The following RYR3 variants were observed in gnomAD, a reference collection of about 807,000 sequenced individuals.
The protein encoded by RYR3 is ryanodine receptor 3.
A neutral mutation model predicts 584.3 loss-of-function variants in RYR3; 207 were observed. That is an observed-to-expected ratio of 0.35 (90% confidence interval 0.32 to 0.40). RYR3 has a LOEUF of 0.40. Ranked by LOEUF, RYR3 falls within the 10% of genes least tolerant of loss-of-function variation. RYR3 has a pLI of 1.00. For synonymous variants in RYR3, 2,416 were observed against 2,248.5 expected (o/e 1.07, Z -2.11); for missense variants, 5,616 against 6,089.2 (o/e 0.92, Z 2.59).
intron 45 of RYR3, among the ~76,000 whole-genome samples, chr15:33,725,575 G>C (rs1036777374): frequency 1.1e-4 from 16 of 152,228 alleles, no homozygotes; most frequent in African/African-American, 3.4e-4. Context: ...AGTTCTCTCT[G>C]ACATTCTCTA....
At chr15:33,532,780 GTCA>G (rs533437670) in intron 4 of RYR3, among the ~76,000 whole-genome samples, 94 of 152,212 alleles carry the variant, frequency 6.2e-4, no homozygotes, top group Middle Eastern at 3.4e-3. Flanking sequence ...TAACTACTGA[GTCA>G]TCAGATAAGA....
intron 94 of RYR3, chr15:33,850,463 A>G (rs2079024992): frequency 6.7e-6 from 1 of 150,332 alleles, no homozygotes; most frequent in South Asian, 2.1e-4. Context: ...ATGTCCTAAC[A>G]AAGGTATTTC....
intron 10 of RYR3, among the ~76,000 whole-genome samples, chr15:33,562,320 G>A (rs1254195248): frequency 1.3e-5 from 2 of 152,166 alleles, no homozygotes; most frequent in African/African-American, 4.8e-5. Flanking sequence ...CTTAAGCCAC[G>A]GTATTAACCC....
chr15:33,581,266 A>G (rs1339058096), intron 13 of RYR3, among the ~76,000 whole-genome samples: 4 of 152,144 alleles, frequency 2.6e-5, no homozygotes, highest in African/African-American at 9.7e-5. Flanking sequence ...CGTGGGGGCA[A>G]CCCGTCAGAG....
rs551644901 is a variant in RYR3, at chr15:33,699,871, G to A, written c.6379+38G>A. 40 of 1,598,378 alleles carry A rather than the reference G, an allele frequency of 2.5e-5. No individual in the cohort carries two copies. In the South Asian group the frequency reaches 3.7e-4, roughly 15 times the overall value. On this transcript the variant is annotated intron_variant, in intron 41 of 103. Transcript: ENST00000634891. ...TCTTGTAACTTCCACATCCAAACTC[G>A]AAGGTTACACTCCCCCTTTTGACCA... is the stretch of plus-strand genomic sequence containing the variant.
chr15:33,515,922 C>T (rs375990324), intron 3 of RYR3, among the ~76,000 whole-genome samples: 5 of 152,168 alleles, frequency 3.3e-5, no homozygotes, highest in African/African-American at 9.7e-5. Context: ...GATACCACTT[C>T]GCACTTCCTC....
intron 64 of RYR3, among the ~76,000 whole-genome samples, chr15:33,774,232 G>C (rs2073835833): frequency 6.6e-6 from 1 of 152,288 alleles, no homozygotes; most frequent in Non-Finnish European, 1.5e-5. Context: ...CAAATGCCTT[G>C]TGTTCTGTTG....
At chr15:33,403,271 T>C (rs2042804094) in intron 1 of RYR3, among the ~76,000 whole-genome samples, 1 of 152,252 alleles carries the variant, frequency 6.6e-6, no homozygotes, top group South Asian at 2.1e-4. Context: ...GATACTCTTA[T>C]TCTTTTTAAA....
intron 4 of RYR3, among the ~76,000 whole-genome samples, chr15:33,531,768 A>C (rs1234543251): frequency 6.6e-6 from 1 of 152,066 alleles, no homozygotes; most frequent in Admixed American, 6.6e-5. Flanking sequence ...TCCAAGTAGG[A>C]GATGGAGATG....
At chr15:33,852,409 G>C (rs2079198266) in intron 94 of RYR3, 1 of 152,158 alleles carries the variant, frequency 6.6e-6, no homozygotes, top group African/African-American at 2.4e-5. Context: ...TCATCTCTCT[G>C]GGGATGCTAG....
chr15:33,435,718 G>T (rs996090186), intron 1 of RYR3, among the ~76,000 whole-genome samples: 2 of 152,162 alleles, frequency 1.3e-5, no homozygotes, highest in Non-Finnish European at 2.9e-5. Flanking sequence ...CCTCCCGGTA[G>T]GTTCCTGGTC....
At chr15:33,653,030 A>T (rs1218521661) in intron 32 of RYR3, 147 bp downstream of exon 32, 1 of 692,796 alleles carries the variant, frequency 1.4e-6, no homozygotes, top group Non-Finnish European at 2.3e-6. Context: ...GACAACAAAT[A>T]AACAACAACA....
chr15:33,351,190 C>G (rs143840729), intron 1 of RYR3, among the ~76,000 whole-genome samples: 10,281 of 152,232 alleles, frequency 0.068, 521 homozygotes, highest in African/African-American at 0.14. Flanking sequence ...GACACATACA[C>G]TCTCCCAAGA....
Position 33,837,763 on chromosome 15 carries a change from T to C in RYR3, c.11783T>C (p.Phe3928Ser). 6.2e-7 allele frequency: 1 copy of C among 1,613,822 alleles called. No homozygotes were observed. The highest frequency in any genetic ancestry group is 8.5e-7 in the Non-Finnish European group (1 of 1,179,826). The part of the protein sequence containing the change: ...KLKDLTSSDT[F>S]KEYDPDGKGI... ...AAAGACTTAACCAGCTCAGACACCT[T>C]CAAAGAATATGACCCAGATGGTAAA... is the stretch of plus-strand genomic sequence containing the variant. Residue 3928 changes from phenylalanine to serine, a missense_variant, in exon 89 of 104, where the codon TTC (phenylalanine) becomes TCC (serine). Physicochemically the swap from Phe to Ser is radical, Grantham distance 155. Transcript: ENST00000634891.
At chr15:33,414,827 C>A (rs2043678642) in intron 1 of RYR3, among the ~76,000 whole-genome samples, 1 of 152,132 alleles carries the variant, frequency 6.6e-6, no homozygotes, top group South Asian at 2.1e-4. Context: ...CTCCTGGCCT[C>A]GTGATCCGCC....
At chr15:33,699,259 C>G (rs2339300) in intron 40 of RYR3, among the ~76,000 whole-genome samples, 1 of 110,060 alleles carries the variant, frequency 9.1e-6, no homozygotes, top group African/African-American at 3.5e-5. Context: ...TCTCTCCCCC[C>G]CTTTCTCTCT....
At chr15:33,690,490 ATTC>A (rs1378949916) in intron 38 of RYR3, among the ~76,000 whole-genome samples, 6 of 152,360 alleles carry the variant, frequency 3.9e-5, no homozygotes, top group Admixed American at 1.3e-4. Context: ...TACATGAGAT[ATTC>A]TTCTTACGTG....
At chr15:33,610,449 T>A (rs2060124435) in intron 18 of RYR3, among the ~76,000 whole-genome samples, 1 of 152,212 alleles carries the variant, frequency 6.6e-6, no homozygotes. Context: ...TTGGGTCTTC[T>A]GTCTTTGATC....
chr15:33,714,595 TATCA>T (rs779782856), intron 43 of RYR3, among the ~76,000 whole-genome samples: 10 of 152,330 alleles, frequency 6.6e-5, no homozygotes, highest in Non-Finnish European at 1.2e-4. Flanking sequence ...AAAGGTTTCC[TATCA>T]ATCCACAAGA....
Sources: gnomAD v4.1 joint callset for allele counts (sites outside exome capture counted in the v4.1 genomes callset) on GRCh38, gnomAD v4.1.1 for gene constraint, MANE v1.5 for transcripts, NCBI Gene and HGNC (gene_info 2026-07-23, HGNC 2026-07-21) for gene names.